Variants in ZCCHC8 observed in about 807,000 individuals in gnomAD.
ZCCHC8 encodes zinc finger CCHC-type containing 8, also known as zinc finger CCHC domain-containing protein 8.
ZCCHC8 carries 27 observed loss-of-function variants against 70.6 expected under a neutral mutation model. The observed-to-expected ratio is 0.38, with a 90% CI of 0.28 to 0.53. ZCCHC8 has a LOEUF of 0.53. Ranked by LOEUF, ZCCHC8 falls within the 20% of genes least tolerant of loss-of-function variation. The pLI is 0.81. For missense variants in ZCCHC8, 737 were observed against 876.9 expected (o/e 0.84, Z 2.01); for synonymous variants, 293 against 317.4 (o/e 0.92, Z 0.82).
rs902268571 is a variant in ZCCHC8, at chr12:122,472,520, T to C, written c.*977A>G. The C allele has an allele frequency of 1.3e-5, 2 of 152,238 alleles. No individual in the cohort carries two copies. The highest frequency in any genetic ancestry group is 2.9e-5 in the Non-Finnish European group (2 of 68,068). 9.4% of individuals were successfully genotyped at this position (152,238 alleles called of 1,614,324 possible). On this transcript the variant is annotated 3_prime_UTR_variant, in exon 14 of 14. Coordinates refer to ENST00000633063, the MANE Select transcript of ZCCHC8 (RefSeq NM_017612.5). ...CCACGCCTGGCCAACAATTTACTTTTAAACTTAAAAGTTATATGCACCGGC... is the reference window on the plus strand; with the variant it reads ...CCACGCCTGGCCAACAATTTACTTTCAAACTTAAAAGTTATATGCACCGGC...
chr12:122,488,131 A>G (rs1040494869), intron 5 of ZCCHC8, among the ~76,000 whole-genome samples: 3 of 151,950 alleles, frequency 2.0e-5, no homozygotes, highest in Non-Finnish European at 4.4e-5. Flanking sequence ...CTTGGGTTCA[A>G]AGCAATTTCC....
chr12:122,499,268 A>G (rs1217850909), intron 1 of ZCCHC8: 1 of 185,898 alleles, frequency 5.4e-6, no homozygotes, highest in Admixed American at 5.9e-5. Context: ...AATCCTTTCA[A>G]CTTTTTTTTT....
rs2137381815 is a variant in ZCCHC8, at chr12:122,500,628, A to G, written c.199+14T>C. 1.3e-6 allele frequency: 2 copies of G among 1,556,716 alleles called. No homozygotes were observed. Among genetic ancestry groups the G allele is most frequent in the African/African-American group, 2.7e-5 (2 of 73,738 alleles). ...CACACCCGGGTGACAGGGCCCAGCG[A>G]GAGGAAAGGATATTCTCGGCGCGGA... is the stretch of plus-strand genomic sequence containing the variant. On this transcript the variant is annotated intron_variant, in intron 1 of 13. Transcript: ENST00000633063. The surrounding 1 kb of genome is among the most constrained non-coding windows in gnomAD (Gnocchi z 4.8).
At chr12:122,486,249 C>G (rs1957635261) in intron 5 of ZCCHC8, among the ~76,000 whole-genome samples, 2 of 151,524 alleles carry the variant, frequency 1.3e-5, no homozygotes, top group South Asian at 4.2e-4. Flanking sequence ...CCCATCTCTA[C>G]TAAAAATACA....
At chr12:122,493,834 CG>C (rs1211459191) in intron 2 of ZCCHC8, among the ~76,000 whole-genome samples, 1 of 151,948 alleles carries the variant, frequency 6.6e-6, no homozygotes, top group East Asian at 1.9e-4. Context: ...AGGATGGTCT[CG>C]ATCTCCTGAC....
At position 122,477,875 on chromosome 12, in the gene ZCCHC8, T is replaced by A; in HGVS notation, c.1311A>T (p.Ser437=). The A allele has an allele frequency of 6.2e-7, 1 of 1,613,674 alleles. No homozygotes were observed. The highest frequency in any genetic ancestry group is 8.5e-7 in the Non-Finnish European group (1 of 1,179,788). ...GCTCCATGTCGGCGGGAGATCCCGC[T>A]GAGTTGCTTTCATTCTTCTGCTTCT... ...SPKKQKNESN[S]AGSPADMELD... Residue 437 remains serine, a synonymous_variant, in exon 13 of 14, where the codon TCA becomes TCT. Coordinates refer to ENST00000633063, the MANE Select transcript of ZCCHC8 (RefSeq NM_017612.5).
chr12:122,477,231 T>C (rs933513610), intron 13 of ZCCHC8, among the ~76,000 whole-genome samples: 8 of 146,170 alleles, frequency 5.5e-5, no homozygotes, highest in Admixed American at 5.4e-4. Context: ...CTCGGCTCAC[T>C]GCAACCTCCA....
chr12:122,486,033 T>C (rs1258991178), intron 5 of ZCCHC8, among the ~76,000 whole-genome samples: 1 of 152,074 alleles, frequency 6.6e-6, no homozygotes, highest in Non-Finnish European at 1.5e-5. Flanking sequence ...CTCACCTGAG[T>C]TGAATACAAT....
At chr12:122,495,847 C>CAAAAAAAAA (rs538311699) in intron 2 of ZCCHC8, among the ~76,000 whole-genome samples, 7 of 78,318 alleles carry the variant, frequency 8.9e-5, no homozygotes, top group East Asian at 5.5e-4. Context: ...CACTCTGTCT[C>CAAAAAAAAA]AAAAAAAAAA....
intron 2 of ZCCHC8, among the ~76,000 whole-genome samples, chr12:122,497,923 C>A (rs1483567074): frequency 1.3e-5 from 2 of 151,860 alleles, no homozygotes; most frequent in Non-Finnish European, 2.9e-5. Context: ...GCGGGAGGAT[C>A]AAGGTTTCAG....
chr12:122,488,870 C>CAA (rs532083781), intron 5 of ZCCHC8, among the ~76,000 whole-genome samples: 16 of 92,906 alleles, frequency 1.7e-4, no homozygotes, highest in East Asian at 6.8e-4. Context: ...GACTCCGTTT[C>CAA]AAAAAAAAAA....
At chr12:122,475,923 T>C (rs1957408627) in intron 13 of ZCCHC8, among the ~76,000 whole-genome samples, 1 of 152,236 alleles carries the variant, frequency 6.6e-6, no homozygotes, top group Non-Finnish European at 1.5e-5. Flanking sequence ...GAAGTTTCAC[T>C]ATCCTGCATC....
At chr12:122,493,763 C>A (rs764682547) in intron 2 of ZCCHC8, among the ~76,000 whole-genome samples, 1 of 151,892 alleles carries the variant, frequency 6.6e-6, no homozygotes, top group Non-Finnish European at 1.5e-5. Flanking sequence ...CAGGCGCCTG[C>A]GACCATGCCC....
Position 122,477,875 on chromosome 12 carries a change from T to G in ZCCHC8, c.1311A>C (p.Ser437=). 1.9e-6 allele frequency: 3 copies of G among 1,613,674 alleles called. No homozygotes were observed. ...SPKKQKNESN[S]AGSPADMELD... ...GCTCCATGTCGGCGGGAGATCCCGC[T>G]GAGTTGCTTTCATTCTTCTGCTTCT... The change falls in exon 13 of 14, where the codon TCA becomes TCC. Residue 437 remains serine (S), a synonymous_variant. Transcript: ENST00000633063.
chr12:122,486,723 C>T (rs888089093), intron 5 of ZCCHC8, among the ~76,000 whole-genome samples: 4 of 152,108 alleles, frequency 2.6e-5, no homozygotes, highest in East Asian at 1.9e-4. Context: ...GCTTCAGTCA[C>T]CATACCCAGC....
At chr12:122,491,147 T>G (rs929001118) in intron 3 of ZCCHC8, 1 of 152,428 alleles carries the variant, frequency 6.6e-6, no homozygotes, top group African/African-American at 2.4e-5. Context: ...CATCATATAT[T>G]CGGTAGTGCT....
At chr12:122,485,964 CCA>C (rs1195273617) in intron 5 of ZCCHC8, among the ~76,000 whole-genome samples, 1 of 152,180 alleles carries the variant, frequency 6.6e-6, no homozygotes, top group East Asian at 1.9e-4. Context: ...CCCAGTACAT[CCA>C]CGTTCTAAGC....
At chr12:122,499,008 G>A in intron 1 of ZCCHC8, 139 bp from the exon 2 acceptor site, 1 of 802,684 alleles carries the variant, frequency 1.2e-6, no homozygotes, top group Non-Finnish European at 2.0e-6. Context: ...CACACTTATT[G>A]AGCTTCTATT....
intron 2 of ZCCHC8, 56 bp from the exon 3 acceptor site, chr12:122,492,845 G>GTA: frequency 8.6e-7 from 1 of 1,165,096 alleles, no homozygotes; most frequent in East Asian, 2.6e-5. Flanking sequence ...ACTTGCATAC[G>GTA]TATATATAAA....
Sources: gnomAD v4.1 joint callset for allele counts (sites outside exome capture counted in the v4.1 genomes callset) on GRCh38, gnomAD v4.1.1 for gene constraint, Gnocchi (gnomAD v3.1) non-coding constraint, MANE v1.5 for transcripts, NCBI Gene and HGNC (gene_info 2026-07-23, HGNC 2026-07-21) for gene names.